The following FOXP1 variants were observed in gnomAD, a reference collection of about 807,000 sequenced individuals.
FOXP1 encodes forkhead box P1, also known as forkhead box protein P1.
In FOXP1, 15 loss-of-function variants were observed where a neutral mutation model predicts 98.2. The ratio of observed to expected loss-of-function variants is 0.15; its 90% confidence interval spans 0.10 to 0.24. FOXP1 has a LOEUF of 0.24. Ranked by LOEUF, FOXP1 falls within the 10% of genes least tolerant of loss-of-function variation. The pLI is 1.00. For missense variants in FOXP1, 633 were observed against 848.5 expected, an observed-to-expected ratio of 0.75 and a Z score of 3.15; for synonymous variants, 371 against 314.5, an observed-to-expected ratio of 1.18 and a Z score of -1.90.
At chr3:71,142,264 T>C (rs2060107176) in intron 6 of FOXP1, among the ~76,000 whole-genome samples, 1 of 152,218 alleles carries the variant, frequency 6.6e-6, no homozygotes, top group Non-Finnish European at 1.5e-5. Context: ...TGTCATGTGG[T>C]TGGCAGAATT....
intron 13 of FOXP1, among the ~76,000 whole-genome samples, chr3:70,993,601 T>C (rs2040933533): frequency 1.3e-5 from 2 of 152,234 alleles, no homozygotes; most frequent in African/African-American, 2.4e-5. Context: ...AAAATAACCA[T>C]GGATTTAGTA....
intron 2 of FOXP1, among the ~76,000 whole-genome samples, chr3:71,531,207 G>A (rs965805290): frequency 9.2e-5 from 14 of 152,226 alleles, no homozygotes; most frequent in Admixed American, 3.3e-4. Flanking sequence ...AGGAGATATC[G>A]GTTCAAATCC....
chr3:71,541,768 C>A (rs1440650850), intron 2 of FOXP1, among the ~76,000 whole-genome samples: 1 of 152,070 alleles, frequency 6.6e-6, no homozygotes, highest in African/African-American at 2.4e-5. Flanking sequence ...CAGACCAATG[C>A]ATTAGAAAGT....
Position 70,972,517 on chromosome 3 carries a change from C to T in FOXP1, c.1652+38G>A, listed in dbSNP as rs907541433. On this transcript the variant is annotated intron_variant, in intron 18 of 20. Coordinates refer to ENST00000649528, the MANE Select transcript of FOXP1 (RefSeq NM_001349338.3). The stretch of plus-strand genomic sequence containing the variant: ...TCTACGTTATACTTGTTAGCACAAT[C>T]CAAGCTAGGCTAAGAAGTTCAAACA... 7 of 1,613,792 alleles carry T rather than the reference C, an allele frequency of 4.3e-6. No homozygotes were observed. The Admixed American group carries it at 5.0e-5, about 12-fold the overall frequency.
intron 1 of FOXP1, chr3:71,582,651 G>A (rs2048278476): frequency 2.0e-6 from 2 of 985,408 alleles, no homozygotes; most frequent in Non-Finnish European, 2.4e-6. Context: ...GTGGGAGAGA[G>A]ATCCGGGCGC....
chr3:71,338,424 G>C (rs925978088), intron 4 of FOXP1, among the ~76,000 whole-genome samples: 5 of 152,170 alleles, frequency 3.3e-5, no homozygotes, highest in African/African-American at 4.8e-5. Flanking sequence ...TCCAACCCGA[G>C]TCTTTAATTA....
intron 2 of FOXP1, among the ~76,000 whole-genome samples, chr3:71,524,257 G>A (rs768504739): frequency 2.0e-5 from 3 of 152,104 alleles, no homozygotes; most frequent in Non-Finnish European, 1.5e-5. Flanking sequence ...CCAGCTACTA[G>A]GGAGGCTGAG....
chr3:71,325,283 C>T (rs1358733055), intron 4 of FOXP1, among the ~76,000 whole-genome samples: 2 of 152,072 alleles, frequency 1.3e-5, no homozygotes, highest in Admixed American at 6.5e-5. Context: ...GAACTCCTGG[C>T]CTCAGGTGAT....
intron 3 of FOXP1, among the ~76,000 whole-genome samples, chr3:71,448,174 C>T (rs1163699930): frequency 6.6e-6 from 1 of 152,184 alleles, no homozygotes; most frequent in East Asian, 1.9e-4. Context: ...GACTGACAGA[C>T]ACCTCCTAGT....
At chr3:71,524,744 T>G (rs2043243334) in intron 2 of FOXP1, among the ~76,000 whole-genome samples, 1 of 152,360 alleles carries the variant, frequency 6.6e-6, no homozygotes, top group South Asian at 2.1e-4. Context: ...TGCAACAGCT[T>G]CTGGTCGACT....
chr3:71,357,756 G>A (rs2078263711), intron 4 of FOXP1, among the ~76,000 whole-genome samples: 1 of 152,200 alleles, frequency 6.6e-6, no homozygotes, highest in Admixed American at 6.5e-5. Flanking sequence ...GCCACCATGT[G>A]ACCTTGAAGA....
intron 5 of FOXP1, among the ~76,000 whole-genome samples, chr3:71,241,250 A>AC (rs1269700423): frequency 4.6e-5 from 7 of 151,692 alleles, no homozygotes; most frequent in South Asian, 4.2e-4. Context: ...CAAAAAAAAA[A>AC]CTTTTACCTC....
At chr3:71,280,628 A>G (rs756162092) in intron 5 of FOXP1, among the ~76,000 whole-genome samples, 95 of 152,052 alleles carry the variant, frequency 6.2e-4, no homozygotes, top group Non-Finnish European at 9.1e-4. Context: ...CCAGCCTACA[A>G]TATCTTTTTT....
chr3:71,407,338 A>G (rs1217653327), intron 3 of FOXP1, among the ~76,000 whole-genome samples: 5 of 152,164 alleles, frequency 3.3e-5, no homozygotes, highest in Non-Finnish European at 7.3e-5. Flanking sequence ...ACATTTTAAA[A>G]ATCATGCTTC....
At chr3:71,078,612 G>T (rs1576621607) in intron 7 of FOXP1, among the ~76,000 whole-genome samples, 1 of 152,024 alleles carries the variant, frequency 6.6e-6, no homozygotes, top group Admixed American at 6.6e-5. Flanking sequence ...TAAATGAAAA[G>T]AATCCTTCTG....
intron 3 of FOXP1, among the ~76,000 whole-genome samples, chr3:71,444,052 T>C (rs971337489): frequency 2.6e-5 from 4 of 152,174 alleles, no homozygotes; most frequent in Non-Finnish European, 5.9e-5. Flanking sequence ...CTATGCACTA[T>C]AGCTACTGAC....
chr3:71,233,977 T>C (rs2066560817), intron 5 of FOXP1, among the ~76,000 whole-genome samples: 1 of 151,944 alleles, frequency 6.6e-6, no homozygotes, highest in African/African-American at 2.4e-5. Context: ...TTATCTGGGG[T>C]GGGAGGGCTG....
intron 3 of FOXP1, among the ~76,000 whole-genome samples, chr3:71,485,186 C>A (rs1386860891): frequency 2.0e-5 from 3 of 152,150 alleles, no homozygotes; most frequent in South Asian, 2.1e-4. Flanking sequence ...CTGGTTCTAT[C>A]CTGCCTGTGA....
chr3:71,080,096 C>T (rs1268745882), intron 7 of FOXP1, among the ~76,000 whole-genome samples: 5 of 152,230 alleles, frequency 3.3e-5, no homozygotes, highest in Non-Finnish European at 5.9e-5. Flanking sequence ...CTCCAATCAC[C>T]TCTCCTACCA....
Sources: gnomAD v4.1 joint callset for allele counts (sites outside exome capture counted in the v4.1 genomes callset) on GRCh38, gnomAD v4.1.1 for gene constraint, MANE v1.5 for transcripts, NCBI Gene and HGNC (gene_info 2026-07-23, HGNC 2026-07-21) for gene names.